Variants in LRRC3B observed in about 807,000 individuals in gnomAD.
LRRC3B encodes the protein leucine-rich repeat-containing protein 3B.
Under a neutral mutation model 12.8 loss-of-function variants are expected in LRRC3B, and 2 were observed. That is an observed-to-expected ratio of 0.16 (90% confidence interval 0.06 to 0.49). The LOEUF (loss-of-function observed/expected upper bound fraction) is 0.49, where lower values mean the gene tolerates loss of function less well. LRRC3B is among the 20% of genes least tolerant of loss of function. The pLI, the probability that LRRC3B is intolerant of heterozygous loss-of-function variation, is 0.96. For synonymous variants in LRRC3B, 132 were observed against 122.0 expected (o/e 1.08, Z -0.54); for missense variants, 189 against 319.4 (o/e 0.59, Z 3.11).
intron 1 of LRRC3B, among the ~76,000 whole-genome samples, chr3:26,672,140 A>C (rs1259889541): frequency 6.6e-6 from 1 of 152,176 alleles, no homozygotes; most frequent in Non-Finnish European, 1.5e-5. Flanking sequence ...TTATGTTTTA[A>C]TTAACAGAGT....
intron 1 of LRRC3B, among the ~76,000 whole-genome samples, chr3:26,666,106 A>G (rs1181929196): frequency 1.3e-5 from 2 of 152,042 alleles, no homozygotes; most frequent in African/African-American, 4.8e-5. Context: ...AGAAAAGAGG[A>G]TTTATGTCCA....
chr3:26,674,420 G>A (rs1048827329), intron 1 of LRRC3B, among the ~76,000 whole-genome samples: 2 of 152,014 alleles, frequency 1.3e-5, no homozygotes, highest in Non-Finnish European at 1.5e-5. Context: ...GTAAAATATT[G>A]GTATTATGCA....
intron 1 of LRRC3B, among the ~76,000 whole-genome samples, chr3:26,707,628 A>T (rs1401032051): frequency 6.6e-6 from 1 of 152,174 alleles, no homozygotes. Flanking sequence ...CAATGGATGG[A>T]AATCACTTGG....
At chr3:26,661,824 T>G (rs1285106942) in intron 1 of LRRC3B, among the ~76,000 whole-genome samples, 1 of 152,224 alleles carries the variant, frequency 6.6e-6, no homozygotes, top group African/African-American at 2.4e-5. Flanking sequence ...ACTGCTTTTC[T>G]GTATTTCTTT....
intron 1 of LRRC3B, among the ~76,000 whole-genome samples, chr3:26,673,729 T>C (rs1699800602): frequency 6.6e-6 from 1 of 152,104 alleles, no homozygotes; most frequent in Non-Finnish European, 1.5e-5. Context: ...TCATATTATC[T>C]CCATCCTTAC....
chr3:26,683,159 A>G (rs1223444366), intron 1 of LRRC3B, among the ~76,000 whole-genome samples: 4 of 152,194 alleles, frequency 2.6e-5, no homozygotes, highest in Non-Finnish European at 5.9e-5. Context: ...CTAAGAGGCT[A>G]TGGTGCATGT....
chr3:26,707,606 G>A (rs1311357358), intron 1 of LRRC3B, among the ~76,000 whole-genome samples: 2 of 152,114 alleles, frequency 1.3e-5, no homozygotes, highest in Non-Finnish European at 2.9e-5. Flanking sequence ...TTTTAGGCTG[G>A]TTGCATATAC....
Position 26,671,346 on chromosome 3 carries a change from G to GTATATATATATATATATATA in LRRC3B, c.-160-38166_-160-38165insATATATATATATATATATAT, listed in dbSNP as rs1186942021. Among the ~76,000 whole-genome samples, 4 of 56,362 alleles carry GTATATATATATATATATATA rather than the reference G, an allele frequency of 7.1e-5. 1 individual carries two copies. Among genetic ancestry groups the GTATATATATATATATATATA allele is most frequent in the African/African-American group, 2.3e-4 (2 of 8,872 alleles). The allele number at this position is 56,362 out of a possible 152,430, so 37.0% of individuals were successfully genotyped here. A position where few individuals can be genotyped will look rare whatever the true frequency, so the allele number is the denominator to read the frequency against. ...ATCTTATAAATGTGTGTGTATATAT[G>GTATATATATATATATATATA]TGTGTATATATATATATATATATAT... On this transcript the variant is annotated intron_variant, in intron 1 of 1. Transcript: ENST00000396641.
intron 1 of LRRC3B, among the ~76,000 whole-genome samples, chr3:26,692,368 C>T (rs1479139502): frequency 6.6e-6 from 1 of 152,146 alleles, no homozygotes; most frequent in Non-Finnish European, 1.5e-5. Context: ...GTGCTAGACA[C>T]CAGGGATATG....
At chr3:26,659,645 A>G (rs1699452412) in intron 1 of LRRC3B, among the ~76,000 whole-genome samples, 1 of 152,118 alleles carries the variant, frequency 6.6e-6, no homozygotes, top group Non-Finnish European at 1.5e-5. Flanking sequence ...CTTCTTTAGG[A>G]AGAACTGGTT....
chr3:26,655,386 CATA>C (rs1369449656), intron 1 of LRRC3B, among the ~76,000 whole-genome samples: 1 of 152,076 alleles, frequency 6.6e-6, no homozygotes, highest in Admixed American at 6.6e-5. Context: ...TGAGAGGCAC[CATA>C]ATGTCTATAT....
At chr3:26,691,067 A>G (rs898323647) in intron 1 of LRRC3B, among the ~76,000 whole-genome samples, 2 of 141,862 alleles carry the variant, frequency 1.4e-5, no homozygotes, top group Non-Finnish European at 3.0e-5. Context: ...ACATACATAT[A>G]TATATGTATA....
intron 1 of LRRC3B, among the ~76,000 whole-genome samples, chr3:26,688,248 G>T (rs1315456042): frequency 6.6e-6 from 1 of 152,190 alleles, no homozygotes. Context: ...AGAAAAGAAT[G>T]TTCCCTTACA....
At chr3:26,646,228 G>C (rs1185261668) in intron 1 of LRRC3B, among the ~76,000 whole-genome samples, 1 of 152,164 alleles carries the variant, frequency 6.6e-6, no homozygotes, top group Admixed American at 6.6e-5. Flanking sequence ...ACAGCAGGAA[G>C]CCTTCCAACC....
At chr3:26,698,810 C>A (rs1375646830) in intron 1 of LRRC3B, among the ~76,000 whole-genome samples, 1 of 152,114 alleles carries the variant, frequency 6.6e-6, no homozygotes, top group Non-Finnish European at 1.5e-5. Context: ...CTCTTAAGAA[C>A]AACTACCTCC....
At chr3:26,636,117 T>C (rs1213563225) in intron 1 of LRRC3B, among the ~76,000 whole-genome samples, 2 of 152,212 alleles carry the variant, frequency 1.3e-5, no homozygotes, top group Non-Finnish European at 2.9e-5. Context: ...TGACTGTTTC[T>C]AAGCATTTGC....
intron 1 of LRRC3B, among the ~76,000 whole-genome samples, chr3:26,656,871 G>A (rs1442240805): frequency 1.3e-5 from 2 of 152,190 alleles, no homozygotes; most frequent in Non-Finnish European, 2.9e-5. Flanking sequence ...TGTAAAGCAA[G>A]TTAAGACTTA....
chr3:26,671,400 A>AGAGAGAGAGAGAGG (rs1699740838), intron 1 of LRRC3B, among the ~76,000 whole-genome samples: 2 of 126,940 alleles, frequency 1.6e-5, no homozygotes, highest in African/African-American at 6.2e-5. Flanking sequence ...AGAGAGAGAG[A>AGAGAGAGAGAGAGG]GAGAGAGAGA....
intron 1 of LRRC3B, among the ~76,000 whole-genome samples, chr3:26,655,217 G>T (rs1322507859): frequency 6.6e-6 from 1 of 152,042 alleles, no homozygotes; most frequent in Non-Finnish European, 1.5e-5. Context: ...ATTAAACAGT[G>T]AAGAATTTCT....
Sources: allele counts gnomAD v4.1 joint callset (sites outside exome capture counted in the v4.1 genomes callset), GRCh38; gene constraint gnomAD v4.1.1; transcripts MANE v1.5; gene names NCBI Gene and HGNC (gene_info 2026-07-23, HGNC 2026-07-21).